POLI: variants seen among roughly 807,000 people sequenced by gnomAD.
POLI encodes DNA polymerase iota.
A neutral mutation model predicts 51.6 loss-of-function variants in POLI; 58 were observed. The observed-to-expected ratio is 1.12, with a 90% CI of 0.91 to 1.40. POLI has a LOEUF of 1.40. POLI is among the 40% of genes most tolerant of loss of function. The probability of loss-of-function intolerance (pLI) is 0.00; values close to 1 mark genes in which losing one functional copy is unlikely to be tolerated. For synonymous variants in POLI, 322 were observed against 299.7 expected (o/e 1.07, Z -0.77); for missense variants, 921 against 871.3 (o/e 1.06, Z -0.72).
chr18:54,280,646 T>C (rs776232709), intron 4 of POLI, 21 bp from the exon 5 acceptor site: 3 of 1,477,322 alleles, frequency 2.0e-6, no homozygotes, highest in South Asian at 1.2e-5. Flanking sequence ...TGACTTTGAA[T>C]GACATTTGTT....
chr18:54,274,260 T>A (rs1007293360), intron 3 of POLI, among the ~76,000 whole-genome samples, 170 bp downstream of exon 3: 7 of 152,132 alleles, frequency 4.6e-5, no homozygotes, highest in Non-Finnish European at 1.0e-4. Flanking sequence ...GATAACTGTA[T>A]GCTATGAATA....
intron 3 of POLI, among the ~76,000 whole-genome samples, chr18:54,276,821 A>G (rs981672768): frequency 1.3e-5 from 2 of 152,198 alleles, no homozygotes; most frequent in Non-Finnish European, 2.9e-5. Context: ...GTGAAAAAAC[A>G]TGATCTATGT....
chr18:54,280,979 G>T, intron 5 of POLI, 76 bp downstream of exon 5: 1 of 763,198 alleles, frequency 1.3e-6, no homozygotes, highest in Non-Finnish European at 2.1e-6. Context: ...TAGATACAAT[G>T]TAATTAATTC....
chr18:54,281,531 T>C (rs1249631028), intron 5 of POLI, among the ~76,000 whole-genome samples: 1 of 152,194 alleles, frequency 6.6e-6, no homozygotes, highest in Non-Finnish European at 1.5e-5. Context: ...CACTGAAACT[T>C]AGATGTCATA....
intron 8 of POLI, among the ~76,000 whole-genome samples, chr18:54,290,068 C>T (rs2087931295): frequency 1.3e-5 from 2 of 152,118 alleles, no homozygotes; most frequent in East Asian, 3.9e-4. Context: ...AAAATTTTTG[C>T]AATCTACCCA....
In POLI at chr18:54,305,370, G is replaced by A. The variant is rs1436456542; in HGVS notation, c.334-14903G>A. Among the ~76,000 whole-genome samples, 5 of 152,154 alleles carry A rather than the reference G, an allele frequency of 3.3e-5. No individual in the cohort carries two copies. In the East Asian group the frequency reaches 5.8e-4, roughly 18 times the overall value. On this transcript the variant is annotated intron_variant, in intron 3 of 4. Transcript: ENST00000579823. ...CCTTTGGCAGTATGGCCATTTTCAC[G>A]ATATTGATTCTTCCTATCCATGAGC... is the stretch of plus-strand genomic sequence containing the variant.
chr18:54,277,056 G>A (rs2087276071), intron 3 of POLI, among the ~76,000 whole-genome samples: 1 of 151,968 alleles, frequency 6.6e-6, no homozygotes, highest in Admixed American at 6.6e-5. Context: ...TTGAATTTTG[G>A]TTCAGCTTAA....
intron 3 of POLI, among the ~76,000 whole-genome samples, chr18:54,305,010 A>G (rs1463803101): frequency 1.3e-5 from 2 of 152,222 alleles, no homozygotes; most frequent in African/African-American, 4.8e-5. Context: ...ACCATTCATT[A>G]AATAGGGAAT....
chr18:54,270,134 G>C, intron 1 of POLI: 1 of 633,222 alleles, frequency 1.6e-6, no homozygotes, highest in Non-Finnish European at 2.0e-6. Context: ...TCCAGCTCTG[G>C]TCTTTACCTT....
At position 54,295,149 on chromosome 18, in the gene POLI, G is replaced by C. The variant is rs1205979514; in HGVS notation, c.*682G>C. On this transcript the variant is annotated 3_prime_UTR_variant, in exon 10 of 10. Transcript: ENST00000579534. ...AACAGTGGTAGAAGGAACTCTCCGTGCAAGTAAATTAAGGGAAAGATGGAC... is the reference window on the plus strand; with the variant it reads ...AACAGTGGTAGAAGGAACTCTCCGTCCAAGTAAATTAAGGGAAAGATGGAC... 1 of 984,730 alleles carries C rather than the reference G, an allele frequency of 1.0e-6. No individual in the cohort carries two copies. The highest frequency in any genetic ancestry group is 1.8e-5 in the African/African-American group (1 of 56,990). The allele number at this position is 984,730 out of a possible 1,614,324, so 61.0% of individuals were successfully genotyped here.
intron 3 of POLI, among the ~76,000 whole-genome samples, chr18:54,313,239 G>T (rs902067418): frequency 1.3e-5 from 2 of 152,122 alleles, no homozygotes; most frequent in Non-Finnish European, 2.9e-5. Context: ...TATCAACTTT[G>T]ACAAAGATCA....
downstream of POLI, among the ~76,000 whole-genome samples, chr18:54,298,752 C>G (rs1454514148): frequency 6.6e-6 from 1 of 151,920 alleles, no homozygotes; most frequent in East Asian, 1.9e-4. Flanking sequence ...CCACACCCAG[C>G]TAATTTTTGT....
In POLI at chr18:54,271,401, A is replaced by G. The variant is rs1251536797; in HGVS notation, c.157A>G (p.Arg53Gly). ...QVLPTPNASS[R>G]VIVHVDLDCF... is the part of the protein sequence containing the mutation. ...GTTGCCCACACCAAATGCTTCATCCAGAGTCATAGTACATGTGGATCTGGA... is the reference window on the plus strand; with the variant it reads ...GTTGCCCACACCAAATGCTTCATCCGGAGTCATAGTACATGTGGATCTGGA... Residue 53 changes from arginine (R) to glycine (G), a missense_variant, in exon 2 of 10, where the codon AGA (arginine) becomes GGA (glycine). Physicochemically the swap from Arg to Gly is moderately radical, Grantham distance 125 (BLOSUM62 -2). Coordinates refer to ENST00000579534, the MANE Select transcript of POLI (RefSeq NM_007195.3). 5.6e-6 allele frequency: 9 copies of G among 1,611,820 alleles called. No individual in the cohort carries two copies. The highest frequency in any genetic ancestry group is 1.7e-5 in the Admixed American group (1 of 59,964).
intron 4 of POLI, among the ~76,000 whole-genome samples, chr18:54,320,861 T>C (rs1488324245): frequency 1.3e-5 from 2 of 152,102 alleles, no homozygotes; most frequent in African/African-American, 4.8e-5. Context: ...CATGCAGTTT[T>C]GAAAAATAAT....
At chr18:54,319,811 A>T (rs141859083) in intron 3 of POLI, among the ~76,000 whole-genome samples, 4 of 152,306 alleles carry the variant, frequency 2.6e-5, no homozygotes, top group African/African-American at 7.2e-5. Context: ...ATTATTATTT[A>T]CATTTTACCT....
At chr18:54,310,589 A>T (rs1198099016) in intron 3 of POLI, among the ~76,000 whole-genome samples, 1 of 151,884 alleles carries the variant, frequency 6.6e-6, no homozygotes, top group Admixed American at 6.6e-5. Flanking sequence ...TACACTTTTG[A>T]TACATAGTGG....
downstream of POLI, among the ~76,000 whole-genome samples, chr18:54,298,588 C>CTTTTTTTT (rs145052748): frequency 2.3e-4 from 27 of 114,898 alleles, no homozygotes; most frequent in Middle Eastern, 4.8e-3. Context: ...ACTACAGAAT[C>CTTTTTTTT]TTTTTTTTTT....
chr18:54,291,782 A>G (rs946569291), intron 8 of POLI, 51 bp from the exon 9 acceptor site: 5 of 835,906 alleles, frequency 6.0e-6, no homozygotes, highest in Non-Finnish European at 7.6e-6. Flanking sequence ...TATAAAATAT[A>G]TTATGCTCTT....
intron 8 of POLI, among the ~76,000 whole-genome samples, chr18:54,288,067 T>G (rs1227529802): frequency 6.6e-6 from 1 of 152,236 alleles, no homozygotes; most frequent in East Asian, 1.9e-4. Flanking sequence ...AGAGTGGAAT[T>G]GCTGGATCAT....
Sources: allele counts gnomAD v4.1 joint callset (sites outside exome capture counted in the v4.1 genomes callset), GRCh38; gene constraint gnomAD v4.1.1; transcripts MANE v1.5; gene names NCBI Gene and HGNC (gene_info 2026-07-23, HGNC 2026-07-21).